The following RALB variants were observed in gnomAD, a reference collection of about 807,000 sequenced individuals.
RALB encodes ras-related protein Ral-B.
Under a neutral mutation model 21.3 loss-of-function variants are expected in RALB, and 16 were observed. That is an observed-to-expected ratio of 0.75 (90% CI 0.51 to 1.14). RALB has a LOEUF of 1.14. Among genes scored for constraint, RALB ranks in the 50% most tolerant of loss-of-function variants. RALB has a pLI of 0.00. For missense variants in RALB, 161 were observed against 256.2 expected (o/e 0.63, Z 2.54); for synonymous variants, 93 against 96.1 (o/e 0.97, Z 0.19).
chr2:120,284,499 A>G (rs1256836107), intron 2 of RALB, among the ~76,000 whole-genome samples: 1 of 152,102 alleles, frequency 6.6e-6, no homozygotes, highest in East Asian at 1.9e-4. Flanking sequence ...CCCAGGTTCA[A>G]GTGATTCTCC....
chr2:120,253,923 A>T (rs1689126858), intron 1 of RALB, among the ~76,000 whole-genome samples: 1 of 152,052 alleles, frequency 6.6e-6, no homozygotes, highest in African/African-American at 2.4e-5. Flanking sequence ...GTGGGCATGG[A>T]GTATCAGAGG....
chr2:120,280,048 G>A (rs968562232), intron 2 of RALB, among the ~76,000 whole-genome samples: 4 of 152,218 alleles, frequency 2.6e-5, no homozygotes, highest in African/African-American at 9.6e-5. Context: ...ACATCGTGAT[G>A]TGAGGTGCAG....
chr2:120,252,644 G>A, upstream of RALB: 1 of 310,344 alleles, frequency 3.2e-6, no homozygotes, highest in Non-Finnish European at 4.7e-6. Flanking sequence ...CGGGGCAGGC[G>A]CGCTGGGCCC....
chr2:120,251,688 A>C (rs1002327008), upstream of RALB, among the ~76,000 whole-genome samples: 1 of 152,172 alleles, frequency 6.6e-6, no homozygotes, highest in African/African-American at 2.4e-5. Flanking sequence ...CCATCTCCTT[A>C]CTGTACCTAG....
chr2:120,240,154 A>T (rs1688868547), intron 1 of RALB: 1 of 1,289,556 alleles, frequency 7.8e-7, no homozygotes. Context: ...TGTGGATTGC[A>T]CTTCGAAGCC....
chr2:120,259,883 C>T (rs888708131), intron 1 of RALB, among the ~76,000 whole-genome samples: 22 of 152,332 alleles, frequency 1.4e-4, no homozygotes, highest in Admixed American at 4.6e-4. Context: ...CTGCAGGTCC[C>T]AAGCCCTGCC....
At chr2:120,277,876 CATG>C (rs978771222) in intron 1 of RALB, among the ~76,000 whole-genome samples, 1 of 73,992 alleles carries the variant, frequency 1.4e-5, no homozygotes, top group African/African-American at 5.8e-5. Flanking sequence ...AATGTGAGAA[CATG>C]AGTGTGAAAA....
intron 1 of RALB, among the ~76,000 whole-genome samples, chr2:120,261,070 T>G (rs568833546): frequency 1.2e-4 from 19 of 152,290 alleles, no homozygotes; most frequent in African/African-American, 4.3e-4. Context: ...TTCACAAGAT[T>G]CCCAGGTAAA....
At chr2:120,276,562 C>A (rs1294019634) in intron 1 of RALB, among the ~76,000 whole-genome samples, 7 of 151,740 alleles carry the variant, frequency 4.6e-5, no homozygotes, top group Non-Finnish European at 8.8e-5. Context: ...GAGATCGTTC[C>A]ATTGCACTCC....
chr2:120,293,014 C>G, intron 4 of RALB, 127 bp from the exon 5 acceptor site: 3 of 975,338 alleles, frequency 3.1e-6, no homozygotes, highest in Non-Finnish European at 4.3e-6. Flanking sequence ...ACTACATATC[C>G]TGCTTAGTCA....
intron 1 of RALB, among the ~76,000 whole-genome samples, chr2:120,242,204 G>A (rs1439351859): frequency 2.6e-5 from 4 of 152,192 alleles, no homozygotes; most frequent in South Asian, 2.1e-4. Context: ...ACCTGGAGTC[G>A]TCAAATTCAC....
chr2:120,253,679 C>T (rs1035728237), intron 1 of RALB: 5 of 985,434 alleles, frequency 5.1e-6, no homozygotes, highest in Non-Finnish European at 6.0e-6. Flanking sequence ...GAGCAGTGTC[C>T]TCTCTGTGCT....
intron 1 of RALB, among the ~76,000 whole-genome samples, chr2:120,271,094 A>T (rs1335642758): frequency 6.6e-6 from 1 of 152,208 alleles, no homozygotes; most frequent in East Asian, 1.9e-4. Flanking sequence ...TGACAACCCT[A>T]TGATACTGCA....
intron 1 of RALB, among the ~76,000 whole-genome samples, chr2:120,247,765 G>A (rs1573316170): frequency 6.6e-6 from 1 of 152,216 alleles, no homozygotes; most frequent in African/African-American, 2.4e-5. Context: ...GAGGGTTCCC[G>A]CGACGCATTG....
At chr2:120,254,292 A>C (rs1018061861) in intron 1 of RALB, among the ~76,000 whole-genome samples, 8 of 152,214 alleles carry the variant, frequency 5.3e-5, no homozygotes, top group South Asian at 2.1e-4. Flanking sequence ...GGGGAGAAGA[A>C]GGCCAGGGAG....
upstream of RALB, among the ~76,000 whole-genome samples, chr2:120,250,007 G>T (rs1046628881): frequency 1.2e-4 from 18 of 152,330 alleles, no homozygotes; most frequent in African/African-American, 4.1e-4. Flanking sequence ...CTTTTGCTAA[G>T]ATTGATTTTT....
upstream of RALB, among the ~76,000 whole-genome samples, chr2:120,248,507 C>T (rs149291807): frequency 3.9e-5 from 6 of 152,004 alleles, no homozygotes; most frequent in African/African-American, 9.7e-5. Context: ...TCTCTTGCTC[C>T]CTTCCTCCTG....
At chr2:120,269,042 T>C (rs140102469) in intron 1 of RALB, among the ~76,000 whole-genome samples, 5 of 152,368 alleles carry the variant, frequency 3.3e-5, no homozygotes, top group South Asian at 2.1e-4. Context: ...CATCTGGACA[T>C]TGTTCCTGGT....
At chr2:120,246,194 A>G (rs1042227034) in intron 1 of RALB, among the ~76,000 whole-genome samples, 1 of 152,250 alleles carries the variant, frequency 6.6e-6, no homozygotes, top group African/African-American at 2.4e-5. Flanking sequence ...TGTGGGTGGG[A>G]CAGAGTGACA....
Sources: allele counts gnomAD v4.1 joint callset (sites outside exome capture counted in the v4.1 genomes callset), GRCh38; gene constraint gnomAD v4.1.1; transcripts MANE v1.5; gene names NCBI Gene and HGNC (gene_info 2026-07-23, HGNC 2026-07-21).